NRG3: variants seen among roughly 807,000 people sequenced by gnomAD.
NRG3 encodes neuregulin 3.
A neutral mutation model predicts 66.9 loss-of-function variants in NRG3; 31 were observed. The ratio of observed to expected loss-of-function variants is 0.46; its 90% CI spans 0.35 to 0.63. NRG3 has a LOEUF of 0.63. NRG3 is among the 20% of genes least tolerant of loss of function. The pLI is 0.00. For missense variants in NRG3, 910 were observed against 878.9 expected (o/e 1.04, Z -0.45); for synonymous variants, 393 against 359.4 (o/e 1.09, Z -1.06).
At position 82,046,048 on chromosome 10, in the gene NRG3, T is replaced by C. The variant is rs866297683; in HGVS notation, c.823+169885T>C. 7.8e-3 allele frequency among the ~76,000 whole-genome samples: 1,103 copies of C among 142,198 alleles called. 22 individuals carry two copies. The highest frequency in any genetic ancestry group is 0.027 in the African/African-American group (1,044 of 38,148). The allele number at this position is 142,198 out of a possible 152,430, so 93.3% of individuals were successfully genotyped here. The stretch of plus-strand genomic sequence containing the variant: ...TTGGCTTAGGATTGACTTGGCAATG[T>C]GGGCTCTTTTTTGGTTCCATATGAA... On this transcript the variant is annotated intron_variant, in intron 1 of 8. Coordinates refer to ENST00000372141, the MANE Select transcript of NRG3 (RefSeq NM_001010848.4).
intron 3 of NRG3, among the ~76,000 whole-genome samples, chr10:82,786,835 G>C (rs544723706): frequency 1.3e-5 from 2 of 152,174 alleles, no homozygotes; most frequent in East Asian, 3.9e-4. Context: ...TTGCAGGAGT[G>C]GGTTAGTTGT....
At chr10:82,044,193 CAT>C (rs1170398415) in intron 1 of NRG3, among the ~76,000 whole-genome samples, 4 of 151,986 alleles carry the variant, frequency 2.6e-5, no homozygotes, top group Admixed American at 2.6e-4. Flanking sequence ...GTATGATTAT[CAT>C]ATACTTTATG....
At chr10:82,345,352 T>C (rs1564818464) in intron 1 of NRG3, among the ~76,000 whole-genome samples, 1 of 150,172 alleles carries the variant, frequency 6.7e-6, no homozygotes, top group Non-Finnish European at 1.5e-5. Context: ...TTTGTCAGGT[T>C]TGTCAAAGAT....
intron 1 of NRG3, among the ~76,000 whole-genome samples, chr10:81,952,886 C>T (rs1028319816): frequency 2.6e-5 from 4 of 152,098 alleles, no homozygotes; most frequent in African/African-American, 9.7e-5. Flanking sequence ...TGATGCACCA[C>T]GCTTGGCCTC....
At chr10:82,023,905 G>C (rs1158632754) in intron 1 of NRG3, among the ~76,000 whole-genome samples, 1 of 151,954 alleles carries the variant, frequency 6.6e-6, no homozygotes, top group Non-Finnish European at 1.5e-5. Flanking sequence ...CAACTTTTTG[G>C]AATAGTTTAA....
At chr10:81,977,898 T>C (rs1379857042) in intron 1 of NRG3, among the ~76,000 whole-genome samples, 2 of 152,186 alleles carry the variant, frequency 1.3e-5, no homozygotes, top group East Asian at 3.8e-4. Flanking sequence ...CTTTTTATTT[T>C]TTATTTATAC....
chr10:82,018,110 T>G (rs1459664316), intron 1 of NRG3, among the ~76,000 whole-genome samples: 1 of 152,176 alleles, frequency 6.6e-6, no homozygotes, highest in Non-Finnish European at 1.5e-5. Context: ...TTAATTTTTG[T>G]GTAAGGTGTA....
At chr10:82,964,442 T>C (rs1592111565) in intron 6 of NRG3, among the ~76,000 whole-genome samples, 1 of 152,270 alleles carries the variant, frequency 6.6e-6, no homozygotes, top group East Asian at 1.9e-4. Flanking sequence ...AGGTGGCGTT[T>C]TGTGCTGTGC....
intron 1 of NRG3, among the ~76,000 whole-genome samples, chr10:81,919,244 G>A (rs1487685698): frequency 6.6e-6 from 1 of 152,202 alleles, no homozygotes; most frequent in Non-Finnish European, 1.5e-5. Flanking sequence ...GAAGTGCTGA[G>A]TTAGGATAGG....
At chr10:81,939,264 T>G (rs763015536) in intron 1 of NRG3, among the ~76,000 whole-genome samples, 3 of 151,984 alleles carry the variant, frequency 2.0e-5, no homozygotes, top group Admixed American at 1.3e-4. Flanking sequence ...GTTTTGGTAT[T>G]AGGGTAAAAA....
At chr10:82,216,134 C>T (rs2075664133) in intron 1 of NRG3, among the ~76,000 whole-genome samples, 1 of 151,716 alleles carries the variant, frequency 6.6e-6, no homozygotes, top group African/African-American at 2.4e-5. Context: ...TGCACACTGC[C>T]ACTACTGGCT....
At chr10:82,532,914 A>G (rs964184629) in intron 2 of NRG3, among the ~76,000 whole-genome samples, 2 of 147,634 alleles carry the variant, frequency 1.4e-5, no homozygotes, top group Non-Finnish European at 3.0e-5. Context: ...CCAATTTCCA[A>G]TTTTTCTCCT....
intron 3 of NRG3, among the ~76,000 whole-genome samples, chr10:82,846,524 A>G (rs2063315883): frequency 6.6e-6 from 1 of 152,196 alleles, no homozygotes; most frequent in African/African-American, 2.4e-5. Flanking sequence ...TAGAATTCAA[A>G]GAAGAAAGCT....
intron 2 of NRG3, among the ~76,000 whole-genome samples, chr10:82,472,537 C>A (rs944280756): frequency 6.6e-6 from 1 of 152,216 alleles, no homozygotes; most frequent in Non-Finnish European, 1.5e-5. Flanking sequence ...TATCAAGCAT[C>A]GCCGTTTTAT....
chr10:82,491,293 AATATATATATAT>A (rs10652539), intron 2 of NRG3, among the ~76,000 whole-genome samples: 1,417 of 82,198 alleles, frequency 0.017, 82 homozygotes, highest in Admixed American at 0.032. Flanking sequence ...GTTCCCATAA[AATATATATATAT>A]ATATATATAT....
chr10:82,207,017 C>T (rs1343203481), intron 1 of NRG3, among the ~76,000 whole-genome samples: 1 of 152,112 alleles, frequency 6.6e-6, no homozygotes. Context: ...GCTGCTGAGT[C>T]CCTTGCTCCA....
intron 1 of NRG3, among the ~76,000 whole-genome samples, chr10:82,330,626 A>C (rs182153187): frequency 1.3e-5 from 2 of 152,330 alleles, no homozygotes; most frequent in East Asian, 3.9e-4. Context: ...TCCATGTGGA[A>C]ATATGAGGTC....
chr10:82,105,449 T>C (rs2067001718), intron 1 of NRG3, among the ~76,000 whole-genome samples: 1 of 152,192 alleles, frequency 6.6e-6, no homozygotes, highest in African/African-American at 2.4e-5. Context: ...CCTCCCTGTA[T>C]CTTCCCATTC....
intron 4 of NRG3, among the ~76,000 whole-genome samples, chr10:82,923,084 A>G (rs955680419): frequency 1.3e-5 from 2 of 152,172 alleles, no homozygotes; most frequent in African/African-American, 4.8e-5. Context: ...CTTCCAATCC[A>G]TTCTCCACAG....
Sources: allele counts gnomAD v4.1 joint callset (sites outside exome capture counted in the v4.1 genomes callset), GRCh38; gene constraint gnomAD v4.1.1; transcripts MANE v1.5; gene names NCBI Gene and HGNC (gene_info 2026-07-23, HGNC 2026-07-21).